The following GRK3 variants were observed in gnomAD, a reference collection of about 807,000 sequenced individuals.
GRK3 encodes the protein G protein-coupled receptor kinase 3, also known as adrenergic, beta, receptor kinase 2.
GRK3 carries 54 observed loss-of-function variants against 95.7 expected under a neutral mutation model. That is an observed-to-expected ratio of 0.56 (90% CI 0.45 to 0.71). The LOEUF (loss-of-function observed/expected upper bound fraction) is 0.71. Ranked by LOEUF, GRK3 falls within the 30% of genes least tolerant of loss-of-function variation. The pLI is 0.00. For synonymous variants in GRK3, 281 were observed against 290.8 expected, an observed-to-expected ratio of 0.97 and a Z score of 0.34; for missense variants, 649 against 851.2, an observed-to-expected ratio of 0.76 and a Z score of 2.96.
chr22:25,635,994 T>C (rs959610385), intron 2 of GRK3, among the ~76,000 whole-genome samples: 1 of 152,204 alleles, frequency 6.6e-6, no homozygotes, highest in Non-Finnish European at 1.5e-5. Flanking sequence ...TGGGTTATGA[T>C]CTATGACTCT....
At chr22:25,690,329 C>G (rs2085155502) in intron 12 of GRK3, 46 bp downstream of exon 12, 10 of 1,401,740 alleles carry the variant, frequency 7.1e-6, no homozygotes, top group Non-Finnish European at 1.0e-5. Flanking sequence ...CTCTCCTGCC[C>G]TTTCAAAGGC....
chr22:25,566,907 T>TTGGGG (rs1555913827), intron 1 of GRK3, among the ~76,000 whole-genome samples: 3 of 149,186 alleles, frequency 2.0e-5, no homozygotes, highest in African/African-American at 7.6e-5. Context: ...GTTTTTTTTT[T>TTGGGG]GGGGGGGGCT....
At chr22:25,604,917 T>C (rs1450096622) in intron 2 of GRK3, among the ~76,000 whole-genome samples, 1 of 152,230 alleles carries the variant, frequency 6.6e-6, no homozygotes, top group East Asian at 1.9e-4. Context: ...CCTTTAAGAC[T>C]GCGTATTCTT....
chr22:25,614,757 T>C (rs2043431358), intron 2 of GRK3, among the ~76,000 whole-genome samples: 1 of 152,230 alleles, frequency 6.6e-6, no homozygotes, highest in South Asian at 2.1e-4. Flanking sequence ...TATATAATAA[T>C]ACTAAAATCC....
chr22:25,635,212 A>C (rs1045567147), intron 2 of GRK3, among the ~76,000 whole-genome samples: 4 of 152,162 alleles, frequency 2.6e-5, no homozygotes, highest in African/African-American at 4.8e-5. Flanking sequence ...CCCTGCTTTA[A>C]ACAGTTTCAT....
At chr22:25,584,515 A>G (rs1932221921) in intron 1 of GRK3, among the ~76,000 whole-genome samples, 1 of 152,256 alleles carries the variant, frequency 6.6e-6, no homozygotes, top group African/African-American at 2.4e-5. Flanking sequence ...GAAGCTGCAA[A>G]GTGCTGCCTC....
rs551409073 is a variant in GRK3, at chr22:25,576,192, G to C, written c.113+11039G>C. Among the ~76,000 whole-genome samples, 54 of 151,976 alleles carry C rather than the reference G, an allele frequency of 3.6e-4. 1 individual carries two copies. The highest frequency in any genetic ancestry group is 1.2e-3 in the African/African-American group (51 of 41,376). ...CTGTGTGGCTGGAGCTCTCTCTCGT[G>C]GGTCCCCCTTGTGGGAAGCAAAACG... On this transcript the variant is annotated intron_variant, in intron 1 of 20. Coordinates refer to ENST00000324198, the MANE Select transcript of GRK3 (RefSeq NM_005160.4).
At chr22:25,566,831 A>C (rs1417440461) in intron 1 of GRK3, among the ~76,000 whole-genome samples, 1 of 152,108 alleles carries the variant, frequency 6.6e-6, no homozygotes, top group Non-Finnish European at 1.5e-5. Flanking sequence ...CCACCACCCA[A>C]AGGCAGGGAG....
At chr22:25,685,058 T>G in intron 9 of GRK3, 112 bp from the exon 10 acceptor site, 1 of 695,686 alleles carries the variant, frequency 1.4e-6, no homozygotes, top group Non-Finnish European at 2.5e-6. Context: ...AATTGCAATG[T>G]GTCAATTAAA....
chr22:25,620,024 G>T (rs4049384), intron 2 of GRK3, among the ~76,000 whole-genome samples: 3 of 141,220 alleles, frequency 2.1e-5, no homozygotes, highest in East Asian at 2.0e-4. Flanking sequence ...GTGTGTGTGT[G>T]TGTGTGTGTG....
At chr22:25,665,167 GCA>G (rs921719628) in intron 5 of GRK3, among the ~76,000 whole-genome samples, 2 of 152,206 alleles carry the variant, frequency 1.3e-5, no homozygotes, top group Non-Finnish European at 2.9e-5. Flanking sequence ...TGAGAAGGGT[GCA>G]CACGGGTTGC....
chr22:25,693,575 G>A (rs2085182078), intron 12 of GRK3, among the ~76,000 whole-genome samples: 1 of 151,934 alleles, frequency 6.6e-6, no homozygotes, highest in South Asian at 2.1e-4. Flanking sequence ...CAAACTTTAG[G>A]TTCGGGCTGA....
At chr22:25,656,108 C>T (rs1472792298) in intron 3 of GRK3, among the ~76,000 whole-genome samples, 2 of 152,112 alleles carry the variant, frequency 1.3e-5, no homozygotes, top group Non-Finnish European at 2.9e-5. Context: ...TGTGTGTATA[C>T]ACAACACACA....
chr22:25,590,508 C>T (rs1932455965), intron 1 of GRK3, among the ~76,000 whole-genome samples: 1 of 152,148 alleles, frequency 6.6e-6, no homozygotes. Context: ...TTACTTACTG[C>T]ATCCTAATGG....
At chr22:25,699,093 C>T (rs1045330129) in intron 13 of GRK3, among the ~76,000 whole-genome samples, 4 of 152,064 alleles carry the variant, frequency 2.6e-5, no homozygotes, top group African/African-American at 4.8e-5. Context: ...TGTGGCGAGG[C>T]GGGCAGGAGG....
At chr22:25,711,628 G>A (rs991738448) in intron 17 of GRK3, among the ~76,000 whole-genome samples, 3 of 151,714 alleles carry the variant, frequency 2.0e-5, no homozygotes, top group Admixed American at 6.6e-5. Context: ...TGCATTTTTC[G>A]AACTTTTGTT....
chr22:25,619,650 G>GTTTTTTTT (rs536273282), intron 2 of GRK3, among the ~76,000 whole-genome samples: 24 of 107,924 alleles, frequency 2.2e-4, no homozygotes, highest in African/African-American at 3.0e-4. Context: ...TACCTGGCTA[G>GTTTTTTTT]TTTTTTTTTT....
chr22:25,673,823 G>C (rs761862465), intron 7 of GRK3, among the ~76,000 whole-genome samples: 36 of 151,970 alleles, frequency 2.4e-4, no homozygotes, highest in Non-Finnish European at 4.6e-4. Context: ...CTGAAGGAAA[G>C]TGCTTATGAA....
At chr22:25,565,196 C>A (rs551949952) in intron 1 of GRK3, 43 bp downstream of exon 1, 2 of 1,099,098 alleles carry the variant, frequency 1.8e-6, no homozygotes, top group Non-Finnish European at 2.5e-6. Flanking sequence ...GCCGCCGCCC[C>A]CTGCGGCCGC....
Sources: allele counts gnomAD v4.1 joint callset (sites outside exome capture counted in the v4.1 genomes callset), GRCh38; gene constraint gnomAD v4.1.1; transcripts MANE v1.5; gene names NCBI Gene and HGNC (gene_info 2026-07-23, HGNC 2026-07-21).